Variants in SCN10A observed in about 807,000 individuals in gnomAD.
SCN10A encodes the protein sodium voltage-gated channel alpha subunit 10, also known as sodium channel protein type 10 subunit alpha.
SCN10A carries 162 observed loss-of-function variants against 170.7 expected under a neutral mutation model. The observed-to-expected ratio is 0.95, with a 90% CI of 0.84 to 1.08. The LOEUF is 1.08. Among genes scored for constraint, SCN10A ranks in the 50% least tolerant of loss-of-function variants. The pLI is 0.00. For synonymous variants in SCN10A, 985 were observed against 904.6 expected, an observed-to-expected ratio of 1.09 and a Z score of -1.59; for missense variants, 2,527 against 2,436.9, an observed-to-expected ratio of 1.04 and a Z score of -0.78.
chr3:38,699,601 G>A (rs1400458563), intron 27 of SCN10A, among the ~76,000 whole-genome samples: 2 of 152,150 alleles, frequency 1.3e-5, no homozygotes, highest in African/African-American at 2.4e-5. Flanking sequence ...AAGTAGAAGG[G>A]GACTTGGGAA....
At chr3:38,727,867 G>A (rs548558872) in intron 16 of SCN10A, among the ~76,000 whole-genome samples, 3 of 152,198 alleles carry the variant, frequency 2.0e-5, no homozygotes, top group African/African-American at 7.2e-5. Context: ...GCGGAGAAGG[G>A]GTATTGGGGC....
At chr3:38,805,865 T>C (rs1283836716) in intron 1 of SCN10A, among the ~76,000 whole-genome samples, 2 of 152,176 alleles carry the variant, frequency 1.3e-5, no homozygotes, top group South Asian at 2.1e-4. Context: ...CTGAATCACC[T>C]ATGAATGATC....
At chr3:38,731,939 G>T (rs180706783) in intron 15 of SCN10A, among the ~76,000 whole-genome samples, 1 of 152,230 alleles carries the variant, frequency 6.6e-6, no homozygotes, top group Non-Finnish European at 1.5e-5. Context: ...CAGCCAGCTT[G>T]CAGTATTAAG....
At chr3:38,796,442 C>G (rs907748982) in intron 1 of SCN10A, among the ~76,000 whole-genome samples, 3 of 152,156 alleles carry the variant, frequency 2.0e-5, no homozygotes, top group African/African-American at 7.2e-5. Flanking sequence ...TATTCTCCAA[C>G]AGTGGCCAAA....
chr3:38,761,815 A>AGTGTGTGT (rs10637333), intron 6 of SCN10A, among the ~76,000 whole-genome samples: 2 of 141,998 alleles, frequency 1.4e-5, no homozygotes, highest in Non-Finnish European at 3.0e-5. Context: ...ACTGTGTGTG[A>AGTGTGTGT]GTGTGTGTGT....
At chr3:38,762,297 G>A (rs1487665426) in intron 6 of SCN10A, among the ~76,000 whole-genome samples, 1 of 152,176 alleles carries the variant, frequency 6.6e-6, no homozygotes, top group African/African-American at 2.4e-5. Flanking sequence ...ACAATTGAGG[G>A]GAAAGTCTGT....
At chr3:38,764,814 T>C (rs1314188359) in intron 5 of SCN10A, among the ~76,000 whole-genome samples, 1 of 152,216 alleles carries the variant, frequency 6.6e-6, no homozygotes, top group Non-Finnish European at 1.5e-5. Context: ...GTGGTTGTAC[T>C]AGTTTACATT....
intron 25 of SCN10A, among the ~76,000 whole-genome samples, chr3:38,709,025 G>GT (rs2125987405): frequency 6.6e-6 from 1 of 152,204 alleles, no homozygotes; most frequent in African/African-American, 2.4e-5. Context: ...AATCAGAGTC[G>GT]GCACCCTTGG....
Position 38,726,810 on chromosome 3 carries a change from G to T in SCN10A, c.2883C>A (p.His961Gln). ...LPLSSSKAEN[H>Q]IAANTARGSS... ...TCCCCCTGGCAGTGTTGGCAGCAAT[G>T]TGGTTCTCAGCCTTGGAGCTGGAGA... is the stretch of plus-strand genomic sequence containing the variant. Residue 961 changes from histidine to glutamine, a missense_variant, in exon 17 of 28, where the codon CAC (histidine) becomes CAA (glutamine). His to Gln is a conservative substitution (Grantham distance 24). Coordinates refer to ENST00000449082, the MANE Select transcript of SCN10A (RefSeq NM_006514.4). The T allele has an allele frequency of 6.2e-7, 1 of 1,612,148 alleles. No individual in the cohort carries two copies. The highest frequency in any genetic ancestry group is 1.7e-4 in the Middle Eastern group (1 of 6,054).
rs544623102 is a variant in SCN10A at position 38,763,411 on chromosome 3, G to C, written c.691+94C>G. ...CTTTGTCTTGTAAGTGGGGACAATA[G>C]TCTTTGCCCTGGAACCTTACAGGGT... On this transcript the variant is annotated intron_variant, in intron 6 of 27. Transcript: ENST00000449082. The C allele has an allele frequency of 7.5e-5, 73 of 978,090 alleles. No individual in the cohort carries two copies. The African/African-American group carries it at 1.1e-3, about 15-fold the overall frequency. The allele number at this position is 978,090 out of a possible 1,614,324, so 60.6% of individuals were successfully genotyped here.
chr3:38,753,792 G>T (rs1051256938), intron 11 of SCN10A, among the ~76,000 whole-genome samples: 2 of 152,210 alleles, frequency 1.3e-5, no homozygotes, highest in African/African-American at 4.8e-5. Flanking sequence ...CCTTGGCCAC[G>T]AGTTATTTTA....
intron 4 of SCN10A, among the ~76,000 whole-genome samples, chr3:38,779,082 C>T (rs934952002): frequency 8.8e-5 from 9 of 102,474 alleles, no homozygotes; most frequent in African/African-American, 3.3e-4. Context: ...GGCAATTCTA[C>T]TTCTAGAAAT....
At chr3:38,755,694 C>G (rs182172623) in intron 11 of SCN10A, 94 bp downstream of exon 11, 3 of 1,469,082 alleles carry the variant, frequency 2.0e-6, no homozygotes, top group Admixed American at 3.4e-5. Context: ...GCCTCCAGCT[C>G]TTTCTCTGCC....
Position 38,696,965 on chromosome 3 carries a change from G to A in SCN10A, c.*384C>T. The A allele has an allele frequency of 4.0e-6, 1 of 251,756 alleles. No individual in the cohort carries two copies. The highest frequency in any genetic ancestry group is 7.7e-6 in the Non-Finnish European group (1 of 129,380). 15.6% of individuals were successfully genotyped at this position (251,756 alleles called of 1,614,324 possible). On this transcript the variant is annotated 3_prime_UTR_variant, in exon 28 of 28. Transcript: ENST00000449082. Reference sequence around the variant, plus strand: ...CAATCTCTGTATGGTGCTCCACAGAGGACTACCTTGGACCTTCAGTAATGT... The same window carrying A: ...CAATCTCTGTATGGTGCTCCACAGAAGACTACCTTGGACCTTCAGTAATGT...
Position 38,698,124 on chromosome 3 carries a change from A to T in SCN10A, c.5096T>A (p.Ile1699Asn), listed in dbSNP as rs1436488932. The T allele has an allele frequency of 6.2e-7, 1 of 1,613,968 alleles. No homozygotes were observed. Among genetic ancestry groups the T allele is most frequent in the Non-Finnish European group, 8.5e-7 (1 of 1,180,008 alleles). Residue 1699 changes from isoleucine (I) to asparagine (N), a missense_variant, in exon 28 of 28, where the codon ATC becomes AAC. By Grantham distance (149) the Ile-to-Asn change is moderately radical. Transcript: ENST00000449082. ...GATGATGTAGGTGGTGAAGAAGATG[A>T]TGCCTACGGCTGGGCTCCCACAGTC... is the stretch of plus-strand genomic sequence containing the variant. ...RGDCGSPAVG[I>N]IFFTTYIIIS...
Position 38,712,260 on chromosome 3 carries a change from A to C in SCN10A, c.3990T>G (p.Ser1330=), listed in dbSNP as rs149685953. The change falls in exon 23 of 28, where the codon TCT becomes TCG. Residue 1330 remains serine (S), a synonymous_variant. Coordinates refer to ENST00000449082, the MANE Select transcript of SCN10A (RefSeq NM_006514.4). The part of the protein sequence containing the change: ...LVPLSIVNNK[S]DCKIQNSTGS... ...CAGTGGAGTTTTGAATCTTGCAGTC[A>C]GACTTGTTATTCACAATCGACAAAG... The C allele has an allele frequency of 4.5e-5, 72 of 1,614,138 alleles. No homozygotes were observed. Among genetic ancestry groups the C allele is most frequent in the Non-Finnish European group, 5.8e-5 (69 of 1,180,046 alleles).
chr3:38,716,200 TTATA>T (rs762152102), intron 21 of SCN10A, among the ~76,000 whole-genome samples: 1 of 150,400 alleles, frequency 6.6e-6, no homozygotes, highest in Non-Finnish European at 1.5e-5. Flanking sequence ...TAGTAATCAT[TTATA>T]TATATATATA....
chr3:38,733,749 T>C (rs1354359778), intron 15 of SCN10A, among the ~76,000 whole-genome samples: 2 of 152,140 alleles, frequency 1.3e-5, no homozygotes, highest in African/African-American at 4.8e-5. Context: ...AGATGGAGTT[T>C]TGCCCTTGTT....
chr3:38,777,491 G>T (rs1559459994), intron 4 of SCN10A, among the ~76,000 whole-genome samples: 2 of 152,064 alleles, frequency 1.3e-5, no homozygotes, highest in Non-Finnish European at 2.9e-5. Context: ...GTGTGGGAAG[G>T]CTTCGTATTG....
Sources: allele counts gnomAD v4.1 joint callset (sites outside exome capture counted in the v4.1 genomes callset), GRCh38; gene constraint gnomAD v4.1.1; transcripts MANE v1.5; gene names NCBI Gene and HGNC (gene_info 2026-07-23, HGNC 2026-07-21).